HCN1: variants seen among roughly 807,000 people sequenced by gnomAD.
The protein encoded by HCN1 is hyperpolarization activated cyclic nucleotide gated potassium channel 1, also known as potassium/sodium hyperpolarization-activated cyclic nucleotide-gated channel 1.
Under a neutral mutation model 78.9 loss-of-function variants are expected in HCN1, and 13 were observed. The ratio of observed to expected loss-of-function variants is 0.16; its 90% confidence interval spans 0.11 to 0.26. HCN1 has a LOEUF of 0.26. Ranked by LOEUF, HCN1 falls within the 10% of genes least tolerant of loss-of-function variation. HCN1 has a pLI of 1.00. For missense variants in HCN1, 810 were observed against 1,154.3 expected (o/e 0.70, Z 4.32); for synonymous variants, 552 against 455.5 (o/e 1.21, Z -2.70).
intron 3 of HCN1, among the ~76,000 whole-genome samples, chr5:45,453,066 T>A (rs1486348621): frequency 6.6e-6 from 1 of 151,998 alleles, no homozygotes; most frequent in Non-Finnish European, 1.5e-5. Context: ...TGGAGAGCCT[T>A]TCATTATGGG....
chr5:45,654,226 A>G (rs1280563413), intron 1 of HCN1, among the ~76,000 whole-genome samples: 2 of 152,130 alleles, frequency 1.3e-5, no homozygotes, highest in Admixed American at 6.6e-5. Flanking sequence ...ATTAAAGGAT[A>G]CAGACCGGAG....
intron 2 of HCN1, among the ~76,000 whole-genome samples, chr5:45,534,934 A>G (rs555068338): frequency 3.3e-5 from 5 of 152,342 alleles, no homozygotes; most frequent in Admixed American, 1.3e-4. Context: ...ACATACTTTA[A>G]CAGGCACATA....
chr5:45,274,219 A>G (rs1046953321), intron 6 of HCN1, among the ~76,000 whole-genome samples: 2 of 152,134 alleles, frequency 1.3e-5, no homozygotes, highest in Non-Finnish European at 2.9e-5. Context: ...CAACTCACAT[A>G]GATACATTCC....
intron 5 of HCN1, among the ~76,000 whole-genome samples, chr5:45,317,630 C>T (rs1407638282): frequency 6.6e-6 from 1 of 152,030 alleles, no homozygotes; most frequent in Non-Finnish European, 1.5e-5. Context: ...AACAGGCAAC[C>T]TACAGAATGG....
At chr5:45,551,144 T>A (rs1255971786) in intron 2 of HCN1, among the ~76,000 whole-genome samples, 1 of 152,116 alleles carries the variant, frequency 6.6e-6, no homozygotes, top group South Asian at 2.1e-4. Context: ...TTCGCTGGCC[T>A]AAATTTTGGG....
At chr5:45,530,000 C>CA (rs1158417999) in intron 2 of HCN1, among the ~76,000 whole-genome samples, 3 of 152,076 alleles carry the variant, frequency 2.0e-5, no homozygotes, top group Non-Finnish European at 4.4e-5. Context: ...CTGTTTTTCA[C>CA]ATATTTAATT....
intron 1 of HCN1, among the ~76,000 whole-genome samples, chr5:45,694,426 C>CT (rs1217962697): frequency 1.3e-5 from 2 of 152,138 alleles, no homozygotes; most frequent in Admixed American, 6.5e-5. Flanking sequence ...TGTGGCGGGA[C>CT]TGTGGATTTT....
chr5:45,382,492 T>C (rs904560751), intron 4 of HCN1, among the ~76,000 whole-genome samples: 3 of 152,192 alleles, frequency 2.0e-5, no homozygotes, highest in Admixed American at 1.3e-4. Context: ...CATAACACCA[T>C]ATTATATCAT....
intron 6 of HCN1, among the ~76,000 whole-genome samples, chr5:45,294,586 A>G (rs1033149836): frequency 1.3e-5 from 2 of 152,022 alleles, no homozygotes; most frequent in Non-Finnish European, 2.9e-5. Flanking sequence ...AATCAAATAA[A>G]TTATATTAGA....
chr5:45,565,654 C>T (rs1016031380), intron 2 of HCN1, among the ~76,000 whole-genome samples: 2 of 151,918 alleles, frequency 1.3e-5, no homozygotes, highest in African/African-American at 4.8e-5. Context: ...GAGACCTCAC[C>T]TCTACAAAAA....
intron 2 of HCN1, among the ~76,000 whole-genome samples, chr5:45,638,431 G>T (rs1259015363): frequency 6.6e-6 from 1 of 152,128 alleles, no homozygotes; most frequent in Non-Finnish European, 1.5e-5. Context: ...TCTTAAAATG[G>T]GAAGCATGAA....
chr5:45,639,761 C>T (rs549506011), intron 2 of HCN1, among the ~76,000 whole-genome samples: 90 of 152,236 alleles, frequency 5.9e-4, no homozygotes, highest in African/African-American at 2.0e-3. Flanking sequence ...CAAAAAAATG[C>T]GAGGAAGTGA....
intron 6 of HCN1, among the ~76,000 whole-genome samples, chr5:45,289,770 G>A (rs1745335513): frequency 6.6e-6 from 1 of 152,054 alleles, no homozygotes; most frequent in South Asian, 2.1e-4. Context: ...TTACTATAGA[G>A]TAGGTGGTTT....
chr5:45,419,378 G>A (rs141823863), intron 3 of HCN1, among the ~76,000 whole-genome samples: 278 of 152,290 alleles, frequency 1.8e-3, no homozygotes, highest in Non-Finnish European at 3.3e-3. Context: ...GCACACAAGA[G>A]TGTGCTAATT....
At chr5:45,430,270 G>A (rs185127923) in intron 3 of HCN1, among the ~76,000 whole-genome samples, 2 of 152,212 alleles carry the variant, frequency 1.3e-5, no homozygotes, top group African/African-American at 4.8e-5. Context: ...GTAAGACCAT[G>A]TTATAGTCGA....
chr5:45,464,532 A>T (rs1010705903), intron 2 of HCN1, among the ~76,000 whole-genome samples: 1 of 152,132 alleles, frequency 6.6e-6, no homozygotes, highest in African/African-American at 2.4e-5. Flanking sequence ...AGCTATCCCA[A>T]AATTTAACTT....
Position 45,599,973 on chromosome 5 carries a change from C to A in HCN1, c.849+45212G>T, listed in dbSNP as rs144649740. 1.7e-3 allele frequency among the ~76,000 whole-genome samples: 260 copies of A among 152,110 alleles called. 1 individual carries two copies. Among genetic ancestry groups the A allele is most frequent in the African/African-American group, 6.0e-3 (251 of 41,490 alleles). On this transcript the variant is annotated intron_variant, in intron 2 of 7. Transcript: ENST00000303230. ...GCTTAGAAGGAAAAGTAAAACATTA[C>A]CATTTGCCTAGGCCTGTTCATAACT...
chr5:45,656,902 TAAG>T (rs1368137013), intron 1 of HCN1, among the ~76,000 whole-genome samples: 2 of 152,068 alleles, frequency 1.3e-5, no homozygotes, highest in East Asian at 3.8e-4. Flanking sequence ...CAGGGATAAA[TAAG>T]AATGCCATTT....
At chr5:45,315,024 T>C (rs762601206) in intron 5 of HCN1, among the ~76,000 whole-genome samples, 4 of 151,920 alleles carry the variant, frequency 2.6e-5, no homozygotes, top group Non-Finnish European at 5.9e-5. Flanking sequence ...AAGTTAACCA[T>C]GATATCCAGG....
Sources: gnomAD v4.1 joint callset for allele counts (sites outside exome capture counted in the v4.1 genomes callset) on GRCh38, gnomAD v4.1.1 for gene constraint, MANE v1.5 for transcripts, NCBI Gene and HGNC (gene_info 2026-07-23, HGNC 2026-07-21) for gene names.